APBB2: variants seen among roughly 807,000 people sequenced by gnomAD.
The protein encoded by APBB2 is amyloid beta precursor protein binding family B member 2.
APBB2 carries 38 observed loss-of-function variants against 82.5 expected under a neutral mutation model. The observed-to-expected ratio is 0.46, with a 90% CI of 0.36 to 0.60. The LOEUF is 0.60. APBB2 is among the 20% of genes least tolerant of loss of function. The probability of loss-of-function intolerance (pLI) is 0.00; values close to 1 mark genes in which losing one functional copy is unlikely to be tolerated. For missense variants in APBB2, 772 were observed against 972.3 expected (o/e 0.79, Z 2.74); for synonymous variants, 341 against 368.2 (o/e 0.93, Z 0.85).
chr4:40,897,763 C>T (rs997672614), intron 10 of APBB2, among the ~76,000 whole-genome samples: 1 of 152,102 alleles, frequency 6.6e-6, no homozygotes, highest in Non-Finnish European at 1.5e-5. Flanking sequence ...AAACGAGCAA[C>T]CTGCAATGTT....
chr4:41,090,534 G>C (rs1741308914), intron 3 of APBB2, among the ~76,000 whole-genome samples: 1 of 152,168 alleles, frequency 6.6e-6, no homozygotes, highest in Non-Finnish European at 1.5e-5. Flanking sequence ...ACACTAGTCT[G>C]CTATGTAATA....
At chr4:40,884,617 A>G (rs1769660647) in intron 12 of APBB2, among the ~76,000 whole-genome samples, 1 of 152,116 alleles carries the variant, frequency 6.6e-6, no homozygotes, top group South Asian at 2.1e-4. Flanking sequence ...TATCTACAAA[A>G]ATAAAAATAA....
rs565141425 is a variant in APBB2 at position 40,828,863 on chromosome 4, G to A, written c.1644+1600C>T. 2.6e-3 allele frequency among the ~76,000 whole-genome samples: 399 copies of A among 152,300 alleles called. 2 individuals are homozygous for A. The highest frequency in any genetic ancestry group is 9.1e-3 in the African/African-American group (377 of 41,556). ...GGGGGCACTCTTTCATTCTGAGGCT[G>A]GGGACAGCTCCCTGCCCCTGTCCCT... is the stretch of plus-strand genomic sequence containing the variant. On this transcript the variant is annotated intron_variant, in intron 13 of 17. Coordinates refer to ENST00000508593, the MANE Select transcript of APBB2 (RefSeq NM_004307.2).
At chr4:41,125,760 A>C (rs1441359020) in intron 2 of APBB2, among the ~76,000 whole-genome samples, 2 of 152,186 alleles carry the variant, frequency 1.3e-5, no homozygotes, top group Non-Finnish European at 2.9e-5. Context: ...CACCCTACAC[A>C]TTTACTGTGA....
intron 2 of APBB2, among the ~76,000 whole-genome samples, chr4:41,136,765 GTCTC>G (rs1757694841): frequency 6.6e-6 from 1 of 152,160 alleles, no homozygotes. Flanking sequence ...GAAGGGAAAT[GTCTC>G]TGCATTTCAC....
chr4:41,080,533 G>A (rs1737215756), intron 3 of APBB2, among the ~76,000 whole-genome samples: 1 of 152,078 alleles, frequency 6.6e-6, no homozygotes, highest in African/African-American at 2.4e-5. Flanking sequence ...CCGATAAAGA[G>A]GGCTTGCAAA....
At chr4:40,854,599 C>T (rs1185391143) in intron 12 of APBB2, among the ~76,000 whole-genome samples, 2 of 151,998 alleles carry the variant, frequency 1.3e-5, no homozygotes, top group African/African-American at 4.8e-5. Flanking sequence ...CCAGCCTGGC[C>T]AACATGGCGA....
At position 40,981,300 on chromosome 4, in the gene APBB2, G is replaced by C. The variant is rs1798409747; in HGVS notation, c.835+32283C>G. ...CGACTGTAGTTCCAGCTACTTGGGAGGCTGAGGCAAGTGGAGGTTTACAGT... is the reference window on the plus strand; with the variant it reads ...CGACTGTAGTTCCAGCTACTTGGGACGCTGAGGCAAGTGGAGGTTTACAGT... On this transcript the variant is annotated intron_variant, in intron 6 of 17. Transcript: ENST00000508593. Among the ~76,000 whole-genome samples, 7 of 152,056 alleles carry C rather than the reference G, an allele frequency of 4.6e-5. No homozygotes were observed. The South Asian group carries it at 1.2e-3, about 27-fold the overall frequency.
chr4:41,056,824 T>C (rs1374672940), intron 4 of APBB2, among the ~76,000 whole-genome samples: 1 of 152,156 alleles, frequency 6.6e-6, no homozygotes, highest in South Asian at 2.1e-4. Flanking sequence ...AAAGCTACTA[T>C]CTCTTGTTCA....
chr4:41,147,639 C>T (rs1761156045), intron 1 of APBB2, among the ~76,000 whole-genome samples: 1 of 152,038 alleles, frequency 6.6e-6, no homozygotes, highest in South Asian at 2.1e-4. Flanking sequence ...TACAGGCGCG[C>T]ACCACCACAC....
chr4:41,129,147 T>C (rs1755253567), intron 2 of APBB2, among the ~76,000 whole-genome samples: 1 of 152,150 alleles, frequency 6.6e-6, no homozygotes, highest in Non-Finnish European at 1.5e-5. Flanking sequence ...CTCTAGAAGA[T>C]GAAACCCATA....
intron 6 of APBB2, among the ~76,000 whole-genome samples, chr4:41,006,486 T>C (rs971578087): frequency 6.6e-6 from 1 of 152,152 alleles, no homozygotes; most frequent in Non-Finnish European, 1.5e-5. Flanking sequence ...TTTTTTGAGA[T>C]GGAGTCTCGC....
intron 4 of APBB2, among the ~76,000 whole-genome samples, chr4:41,050,059 T>C (rs1725377425): frequency 6.6e-6 from 1 of 151,910 alleles, no homozygotes; most frequent in African/African-American, 2.4e-5. Flanking sequence ...CCCTCCACTA[T>C]TGTCCTATGA....
chr4:40,869,001 C>A lies in APBB2; in HGVS notation c.1529+21363G>T, dbSNP rs116845767. ...ATATTTATTTCTTATACATGTGTTA[C>A]CTCGATTTGTCCCCACACCACCTTT... On this transcript the variant is annotated intron_variant, in intron 12 of 17. Transcript: ENST00000508593. 1.7e-3 allele frequency among the ~76,000 whole-genome samples: 253 copies of A among 152,182 alleles called. 3 individuals carry two copies. In the East Asian group the frequency reaches 0.025, roughly 15 times the overall value.
chr4:40,880,279 G>T (rs1037511330), intron 12 of APBB2: 1 of 985,276 alleles, frequency 1.0e-6, no homozygotes, highest in African/African-American at 1.7e-5. Flanking sequence ...AGTTCCACCT[G>T]ATGTTCTCAA....
intron 1 of APBB2, among the ~76,000 whole-genome samples, chr4:41,183,060 C>T (rs1212967609): frequency 1.3e-5 from 2 of 152,142 alleles, no homozygotes; most frequent in Non-Finnish European, 2.9e-5. Context: ...ATGGCAATTC[C>T]ATTCTTGCAG....
chr4:40,862,856 CAAA>C (rs34255688), intron 12 of APBB2, among the ~76,000 whole-genome samples: 74 of 118,570 alleles, frequency 6.2e-4, no homozygotes, highest in Non-Finnish European at 6.5e-4. Flanking sequence ...GACTCCATCT[CAAA>C]AAAAAAAAAA....
At chr4:40,930,400 A>G (rs1054930066) in intron 10 of APBB2, among the ~76,000 whole-genome samples, 6 of 151,740 alleles carry the variant, frequency 4.0e-5, no homozygotes, top group Non-Finnish European at 8.8e-5. Flanking sequence ...GAGTTAGAAA[A>G]AGACTTTGCT....
At chr4:41,155,741 AT>A (rs1350040436) in intron 1 of APBB2, among the ~76,000 whole-genome samples, 2 of 152,166 alleles carry the variant, frequency 1.3e-5, no homozygotes, top group Non-Finnish European at 2.9e-5. Context: ...GCTGCTAAGA[AT>A]TTTTTAAACC....
Sources: allele counts gnomAD v4.1 joint callset (sites outside exome capture counted in the v4.1 genomes callset), GRCh38; gene constraint gnomAD v4.1.1; transcripts MANE v1.5; gene names NCBI Gene and HGNC (gene_info 2026-07-23, HGNC 2026-07-21).